PCDH11X: variants seen among roughly 807,000 people sequenced by gnomAD.
The protein encoded by PCDH11X is protocadherin-11 X-linked.
Under a neutral mutation model 53.3 loss-of-function variants are expected in PCDH11X, and 18 were observed. That is an observed-to-expected ratio of 0.34 (90% CI 0.23 to 0.50). The LOEUF (loss-of-function observed/expected upper bound fraction) is 0.50, where lower values mean the gene tolerates loss of function less well. Among genes scored for constraint, PCDH11X ranks in the 20% least tolerant of loss-of-function variants. The pLI, the probability that PCDH11X is intolerant of heterozygous loss-of-function variation, is 0.98. For synonymous variants in PCDH11X, 279 were observed against 393.3 expected, an observed-to-expected ratio of 0.71 and a Z score of 3.44; for missense variants, 570 against 1,032.4, an observed-to-expected ratio of 0.55 and a Z score of 6.14.
At position 92,323,881 on chromosome X, in the gene PCDH11X, A is replaced by AT. The variant is rs898063784; in HGVS notation, c.3144+60746dup. ...AATGGGATAACTTTACACAGTTTCA[A>AT]TTTTTTTTCCAGGCTTTAATAACAT... On this transcript the variant is annotated intron_variant, in intron 8 of 10. Coordinates refer to ENST00000682573, the MANE Select transcript of PCDH11X (RefSeq NM_032968.5). Among the ~76,000 whole-genome samples, 28 of 110,683 alleles carry AT rather than the reference A, an allele frequency of 2.5e-4. 1 individual carries two copies. The highest frequency in any genetic ancestry group is 8.9e-4 in the African/African-American group (27 of 30,487).
chrX:92,518,861 A>G (rs2148714117), intron 10 of PCDH11X, among the ~76,000 whole-genome samples: 1 of 97,938 alleles, frequency 1.0e-5, no homozygotes, highest in African/African-American at 3.9e-5. Flanking sequence ...GGTTCATGCC[A>G]TTCTCCTGCC....
intron 4 of PCDH11X, among the ~76,000 whole-genome samples, chrX:91,815,626 T>C (rs1400822751): frequency 1.9e-5 from 2 of 107,954 alleles, no homozygotes; most frequent in African/African-American, 6.8e-5. Flanking sequence ...ACAAAATTGA[T>C]TTTGCATTTT....
At chrX:92,611,456 A>G (rs1230067590) in intron 10 of PCDH11X, among the ~76,000 whole-genome samples, 1 of 110,153 alleles carries the variant, frequency 9.1e-6, no homozygotes, top group Non-Finnish European at 1.9e-5. Context: ...AAACTTTGCT[A>G]AATCTTTTGT....
intron 7 of PCDH11X, among the ~76,000 whole-genome samples, chrX:92,209,644 C>T (rs1569422446): frequency 9.0e-6 from 1 of 111,355 alleles, no homozygotes; most frequent in East Asian, 2.9e-4. Flanking sequence ...TTCAGTGGAT[C>T]TGCCATTCTG....
chrX:92,336,128 A>T (rs2069613034), intron 8 of PCDH11X, among the ~76,000 whole-genome samples: 1 of 111,940 alleles, frequency 8.9e-6, no homozygotes, highest in African/African-American at 3.2e-5. Flanking sequence ...ATAGAAAAAA[A>T]TAAAAAAAGG....
intron 8 of PCDH11X, among the ~76,000 whole-genome samples, chrX:92,268,055 C>A (rs2067871311): frequency 8.9e-6 from 1 of 112,091 alleles, no homozygotes; most frequent in Admixed American, 9.4e-5. Context: ...CATATTCAAA[C>A]CATAGCAGTA....
chrX:92,439,234 T>G (rs2148632998), intron 9 of PCDH11X, among the ~76,000 whole-genome samples: 1 of 111,337 alleles, frequency 9.0e-6, no homozygotes, highest in Admixed American at 9.6e-5. Context: ...GGGTCATACC[T>G]CTGAAGGTAA....
At chrX:91,970,597 T>A (rs1245308457) in intron 6 of PCDH11X, among the ~76,000 whole-genome samples, 1 of 111,295 alleles carries the variant, frequency 9.0e-6, no homozygotes, top group Admixed American at 9.6e-5. Context: ...GCCCAGCCAC[T>A]TCACCTCTCA....
At chrX:92,564,170 A>G (rs1921177744) in intron 10 of PCDH11X, among the ~76,000 whole-genome samples, 1 of 110,623 alleles carries the variant, frequency 9.0e-6, no homozygotes, top group African/African-American at 3.3e-5. Context: ...AAGAATCAAT[A>G]TTCTCAAAAT....
In PCDH11X at chrX:92,523,495, G is replaced by T. The variant is rs139251169; in HGVS notation, c.3367+55173G>T. On this transcript the variant is annotated intron_variant, in intron 10 of 10. Coordinates refer to ENST00000682573, the MANE Select transcript of PCDH11X (RefSeq NM_032968.5). ...CTCAGAAGAAAACATGTTGAATGAC[G>T]ATTGAAATTTGACATTAACTAGTGC... Among the ~76,000 whole-genome samples, 1,063 of 111,898 alleles carry T rather than the reference G, an allele frequency of 9.5e-3. 21 individuals carry two copies. Among genetic ancestry groups the T allele is most frequent in the Admixed American group, 0.056 (587 of 10,527 alleles).
intron 1 of PCDH11X, among the ~76,000 whole-genome samples, chrX:91,782,960 A>C (rs952056278): frequency 9.0e-6 from 1 of 111,690 alleles, no homozygotes; most frequent in Non-Finnish European, 1.9e-5. Flanking sequence ...GGAGGGGCAG[A>C]GGCAGGGCGT....
chrX:92,567,138 T>C (rs1182039043), intron 10 of PCDH11X, among the ~76,000 whole-genome samples: 6 of 99,529 alleles, frequency 6.0e-5, no homozygotes, highest in Non-Finnish European at 1.2e-4. Flanking sequence ...AATTTTAAGA[T>C]AGTTTCATTT....
At chrX:92,439,548 T>A (rs1413972033) in intron 9 of PCDH11X, among the ~76,000 whole-genome samples, 1 of 110,044 alleles carries the variant, frequency 9.1e-6, no homozygotes, top group Non-Finnish European at 1.9e-5. Context: ...TATGAAAAAG[T>A]GATTGAGTTT....
rs1440860481 is a variant in PCDH11X at position 92,263,111 on chromosome X, CA to C, written c.3115-2del. ...CCCTTGCCTCCATTTTATCCTAAATCAGCGGAAATCTGAAGGGAAAGTGGCA... is the reference window on the plus strand; with the variant it reads ...CCCTTGCCTCCATTTTATCCTAAATCGCGGAAATCTGAAGGGAAAGTGGCA... On this transcript the variant is annotated splice_acceptor_variant, in intron 7 of 10. Coordinates refer to ENST00000682573, the MANE Select transcript of PCDH11X (RefSeq NM_032968.5). LOFTEE classifies it high-confidence loss of function. 1 of 1,180,710 alleles carries C rather than the reference CA, an allele frequency of 8.5e-7. No individual in the cohort carries two copies. The highest frequency in any genetic ancestry group is 1.8e-5 in the African/African-American group (1 of 56,204).
chrX:91,936,305 A>T (rs1199034764), intron 6 of PCDH11X, among the ~76,000 whole-genome samples: 1 of 109,585 alleles, frequency 9.1e-6, no homozygotes, highest in African/African-American at 3.3e-5. Context: ...AATGGTGCAT[A>T]AAGAATTAGA....
At chrX:92,411,883 AAAAG>A (rs1478844775) in intron 9 of PCDH11X, among the ~76,000 whole-genome samples, 10 of 69,570 alleles carry the variant, frequency 1.4e-4, no homozygotes, top group African/African-American at 5.9e-4. Context: ...AAGAAGAAGA[AAAAG>A]AAGAAGAAGA....
intron 8 of PCDH11X, among the ~76,000 whole-genome samples, chrX:92,301,734 C>CTTTTTTTTT: frequency 5.3e-4 from 58 of 109,626 alleles, no homozygotes; most frequent in African/African-American, 1.9e-3. Context: ...GCTTCCTTTT[C>CTTTTTTTTT]TTGTGTTGTC....
intron 6 of PCDH11X, among the ~76,000 whole-genome samples, chrX:92,167,690 T>C (rs2065757703): frequency 8.9e-6 from 1 of 112,068 alleles, no homozygotes; most frequent in Admixed American, 9.6e-5. Context: ...TGTTATTTTG[T>C]AGCTTTTTAC....
intron 9 of PCDH11X, among the ~76,000 whole-genome samples, chrX:92,406,249 T>G (rs1218152308): frequency 1.8e-5 from 2 of 110,488 alleles, no homozygotes; most frequent in Non-Finnish European, 3.8e-5. Context: ...GTTTTTCACT[T>G]AAAGTATGTC....
Sources: allele counts gnomAD v4.1 joint callset (sites outside exome capture counted in the v4.1 genomes callset), GRCh38; gene constraint gnomAD v4.1.1; transcripts MANE v1.5; gene names NCBI Gene and HGNC (gene_info 2026-07-23, HGNC 2026-07-21).